The following TRPC5 variants were observed in gnomAD, a reference collection of about 807,000 sequenced individuals.
The protein encoded by TRPC5 is transient receptor potential cation channel subfamily C member 5.
A neutral mutation model predicts 56.5 loss-of-function variants in TRPC5; 9 were observed. The ratio of observed to expected loss-of-function variants is 0.16; its 90% CI spans 0.10 to 0.28. The LOEUF is 0.28. TRPC5 is among the 10% of genes least tolerant of loss of function. TRPC5 has a pLI of 1.00. For missense variants in TRPC5, 469 were observed against 748.9 expected (o/e 0.63, Z 4.36); for synonymous variants, 282 against 278.5 (o/e 1.01, Z -0.13).
At chrX:111,937,218 G>A (rs1356898475) in intron 2 of TRPC5, among the ~76,000 whole-genome samples, 2 of 105,811 alleles carry the variant, frequency 1.9e-5, no homozygotes, top group Non-Finnish European at 3.9e-5. Flanking sequence ...AAATTTGTTG[G>A]AGTTCATTGT....
intron 2 of TRPC5, among the ~76,000 whole-genome samples, chrX:111,950,274 G>A (rs977449454): frequency 3.7e-5 from 4 of 109,530 alleles, no homozygotes; most frequent in Non-Finnish European, 7.6e-5. Context: ...GCAGTGAGCC[G>A]AGATCGCACC....
chrX:111,966,296 G>A (rs1927572744), intron 1 of TRPC5, among the ~76,000 whole-genome samples: 2 of 111,725 alleles, frequency 1.8e-5, no homozygotes, highest in Admixed American at 9.5e-5. Flanking sequence ...TTGAACCTCT[G>A]AATAGACCAA....
intron 3 of TRPC5, among the ~76,000 whole-genome samples, chrX:111,863,153 G>GA (rs1298011056): frequency 1.8e-5 from 2 of 111,424 alleles, no homozygotes; most frequent in African/African-American, 6.5e-5. Flanking sequence ...TGTAAGGTGG[G>GA]AAAAAGGAAA....
rs2148544737 is a variant in TRPC5, at chrX:111,771,759, T to C, written c.*4554A>G. Among the ~76,000 whole-genome samples, 1 of 107,528 alleles carries C rather than the reference T, an allele frequency of 9.3e-6. No individual in the cohort carries two copies. Among genetic ancestry groups the C allele is most frequent in the Non-Finnish European group, 1.9e-5 (1 of 52,697 alleles). The allele number at this position is 107,528 out of a possible 115,157, so 93.4% of individuals were successfully genotyped here. A position where few individuals can be genotyped will look rare whatever the true frequency, so the allele number is the denominator to read the frequency against. On this transcript the variant is annotated 3_prime_UTR_variant, in exon 11 of 11. Coordinates refer to ENST00000262839, the MANE Select transcript of TRPC5 (RefSeq NM_012471.3). ...ATATTTAAGTCTTCCAGGTAAGTTA[T>C]TCTGACCTAAATGCTTTTTTTTTTT...
In TRPC5 at chrX:111,768,807, A is replaced by G. The variant is rs3027774; in HGVS notation, c.*7506T>C. 1.2e-4 allele frequency among the ~76,000 whole-genome samples: 13 copies of G among 111,705 alleles called. No individual in the cohort carries two copies. Among genetic ancestry groups the G allele is most frequent in the Non-Finnish European group, 2.4e-4 (13 of 53,080 alleles). ...TATTCATTTTGGTGTCATTGGTCCC[A>G]CTTATCCTGTTAAGACACTTGAGAA... On this transcript the variant is annotated 3_prime_UTR_variant, in exon 11 of 11. Transcript: ENST00000262839.
At chrX:111,967,821 T>A (rs752468023) in intron 1 of TRPC5, among the ~76,000 whole-genome samples, 8 of 111,958 alleles carry the variant, frequency 7.1e-5, no homozygotes, top group Non-Finnish European at 1.1e-4. Context: ...CAAAAATTAA[T>A]TCAGGATGTA....
chrX:111,850,457 G>A (rs953458872), intron 5 of TRPC5, among the ~76,000 whole-genome samples: 11 of 111,887 alleles, frequency 9.8e-5, no homozygotes, highest in East Asian at 2.8e-4. Context: ...AGCCTATGTC[G>A]CAGTTCTTAT....
At chrX:112,078,538 T>A (rs1451230669) in intron 1 of TRPC5, among the ~76,000 whole-genome samples, 3 of 111,391 alleles carry the variant, frequency 2.7e-5, no homozygotes, top group African/African-American at 9.8e-5. Flanking sequence ...CCCTCCAAGA[T>A]CCCCGCTTGT....
intron 1 of TRPC5, among the ~76,000 whole-genome samples, chrX:112,026,578 T>C (rs1929417294): frequency 8.9e-6 from 1 of 111,975 alleles, no homozygotes; most frequent in East Asian, 2.8e-4. Context: ...CTAGACTCTT[T>C]TTCAATAGTT....
chrX:111,869,647 C>T (rs1923673670), intron 3 of TRPC5, among the ~76,000 whole-genome samples: 1 of 112,036 alleles, frequency 8.9e-6, no homozygotes, highest in African/African-American at 3.2e-5. Flanking sequence ...CAGAATTAGC[C>T]CAATGGGGTT....
intron 5 of TRPC5, among the ~76,000 whole-genome samples, chrX:111,848,983 A>G (rs2148584395): frequency 8.9e-6 from 1 of 112,365 alleles, no homozygotes; most frequent in East Asian, 2.8e-4. Flanking sequence ...CACTCAGTCT[A>G]GCACTATTTC....
chrX:111,961,690 G>A (rs747720742), intron 1 of TRPC5, among the ~76,000 whole-genome samples: 10 of 111,865 alleles, frequency 8.9e-5, no homozygotes, highest in Non-Finnish European at 1.9e-4. Flanking sequence ...CATATATCCA[G>A]GTTATTTGCT....
At chrX:112,039,486 T>C (rs746804912) in intron 1 of TRPC5, among the ~76,000 whole-genome samples, 2 of 112,048 alleles carry the variant, frequency 1.8e-5, no homozygotes, top group Non-Finnish European at 1.9e-5. Flanking sequence ...AAGCGTATGG[T>C]TTGGTCATAT....
intron 1 of TRPC5, among the ~76,000 whole-genome samples, chrX:111,993,610 T>G (rs184098244): frequency 1.3e-3 from 141 of 112,323 alleles, no homozygotes; most frequent in African/African-American, 4.2e-3. Context: ...GGTGTGAGAT[T>G]GTATCTCATT....
At chrX:111,821,361 C>T (rs1429207426) in intron 7 of TRPC5, among the ~76,000 whole-genome samples, 2 of 111,830 alleles carry the variant, frequency 1.8e-5, no homozygotes. Context: ...CACATTTTCA[C>T]TCTTAGATTT....
At chrX:111,884,616 A>G (rs1410374890) in intron 3 of TRPC5, among the ~76,000 whole-genome samples, 1 of 112,777 alleles carries the variant, frequency 8.9e-6, no homozygotes, top group Non-Finnish European at 1.9e-5. Context: ...CTAAGTTTAG[A>G]TAAGGCCTAG....
rs765980198 is a variant in TRPC5 at position 111,784,243 on chromosome X, G to A, written c.1897-2105C>T. Among the ~76,000 whole-genome samples the A allele has an allele frequency of 2.7e-5, 3 of 111,925 alleles. No individual in the cohort carries two copies. In the Admixed American group the frequency reaches 2.8e-4, roughly 11 times the overall value. On this transcript the variant is annotated intron_variant, in intron 7 of 10. Coordinates refer to ENST00000262839, the MANE Select transcript of TRPC5 (RefSeq NM_012471.3). The stretch of plus-strand genomic sequence containing the variant: ...TCTTTGTGACCTTGGATAAAACAAC[G>A]ATTTCTTAGATATGACACCAGAAAC...
At chrX:111,786,288 A>G (rs976728223) in intron 7 of TRPC5, among the ~76,000 whole-genome samples, 2 of 111,540 alleles carry the variant, frequency 1.8e-5, no homozygotes, top group Non-Finnish European at 3.8e-5. Flanking sequence ...AGAATTTTCA[A>G]CCCAGAATTT....
At chrX:111,789,437 C>T (rs1224751444) in intron 7 of TRPC5, among the ~76,000 whole-genome samples, 4 of 112,172 alleles carry the variant, frequency 3.6e-5, no homozygotes, top group South Asian at 3.7e-4. Flanking sequence ...AAGACTTAAA[C>T]GTTATACCTA....
Sources: gnomAD v4.1 joint callset for allele counts (sites outside exome capture counted in the v4.1 genomes callset) on GRCh38, gnomAD v4.1.1 for gene constraint, MANE v1.5 for transcripts, NCBI Gene and HGNC (gene_info 2026-07-23, HGNC 2026-07-21) for gene names.